The following RGS8 variants were observed in gnomAD, a reference collection of about 807,000 sequenced individuals.
RGS8 encodes the protein regulator of G protein signaling 8.
Under a neutral mutation model 21.7 loss-of-function variants are expected in RGS8, and 8 were observed. That is an observed-to-expected ratio of 0.37 (90% CI 0.22 to 0.66). The LOEUF (loss-of-function observed/expected upper bound fraction) is 0.66, where lower values mean the gene tolerates loss of function less well. Ranked by LOEUF, RGS8 falls within the 30% of genes least tolerant of loss-of-function variation. The probability of loss-of-function intolerance (pLI) is 0.59; values close to 1 mark genes in which losing one functional copy is unlikely to be tolerated. For missense variants in RGS8, 157 were observed against 217.9 expected (o/e 0.72, Z 1.76); for synonymous variants, 80 against 83.6 (o/e 0.96, Z 0.24).
rs76830150 is a variant in RGS8 at position 182,667,180 on chromosome 1, C to T, written c.27-207G>A. 4.2e-3 allele frequency among the ~76,000 whole-genome samples: 633 copies of T among 152,292 alleles called. 3 individuals are homozygous for T. The highest frequency in any genetic ancestry group is 0.015 in the African/African-American group (608 of 41,558). On this transcript the variant is annotated intron_variant, in intron 3 of 6. Transcript: ENST00000483095. ...GGTACCCTAACCGACCCCCTAGAGG[C>T]TTAATGCTTTTCAAAGCTGACACAG...
chr1:182,744,137 A>G, the RGS8 span, among the ~76,000 whole-genome samples: 3 of 152,156 alleles, frequency 2.0e-5, no homozygotes, highest in Non-Finnish European at 4.4e-5. Context: ...CAATTCACCT[A>G]TTTAAAGTAT....
At chr1:182,729,062 A>G in the RGS8 span, among the ~76,000 whole-genome samples, 4 of 152,366 alleles carry the variant, frequency 2.6e-5, no homozygotes, top group South Asian at 2.1e-4. Context: ...GTAAGGCAGG[A>G]CAACCTGCTT....
chr1:182,741,427 T>A, the RGS8 span, among the ~76,000 whole-genome samples: 127 of 117,596 alleles, frequency 1.1e-3, no homozygotes, highest in African/African-American at 4.0e-3. Flanking sequence ...CCCACCTCCC[T>A]CCCGGACAGG....
chr1:182,747,041 G>GTTTTTTTT, the RGS8 span, among the ~76,000 whole-genome samples: 3 of 26,234 alleles, frequency 1.1e-4, no homozygotes, highest in Non-Finnish European at 3.3e-4. Flanking sequence ...AACACTGCTG[G>GTTTTTTTT]TCTTTTTTTT....
chr1:182,702,795 G>A, the RGS8 span, among the ~76,000 whole-genome samples: 1 of 152,186 alleles, frequency 6.6e-6, no homozygotes, highest in South Asian at 2.1e-4. Context: ...ATCACTGAGA[G>A]ATGACTCAAT....
chr1:182,723,215 C>T, the RGS8 span, among the ~76,000 whole-genome samples: 4 of 152,252 alleles, frequency 2.6e-5, no homozygotes, highest in Admixed American at 2.6e-4. Flanking sequence ...TTTCATATCA[C>T]AATTTCTGAG....
downstream of RGS8, chr1:182,643,051 T>C (rs1322056954): frequency 6.6e-6 from 1 of 152,208 alleles, no homozygotes; most frequent in African/African-American, 2.4e-5. Flanking sequence ...GGAGACAAGC[T>C]TGGAGGAGAC....
At chr1:182,705,753 T>A in the RGS8 span, among the ~76,000 whole-genome samples, 1 of 152,194 alleles carries the variant, frequency 6.6e-6, no homozygotes, top group African/African-American at 2.4e-5. Context: ...AGTTGCCAGT[T>A]CCTTCCAATT....
chr1:182,712,177 GA>G, the RGS8 span, among the ~76,000 whole-genome samples: 5 of 152,158 alleles, frequency 3.3e-5, no homozygotes, highest in Non-Finnish European at 7.4e-5. Context: ...ATTGCCTCTT[GA>G]AAAAGGATGC....
the RGS8 span, among the ~76,000 whole-genome samples, chr1:182,701,074 T>G: frequency 2.6e-5 from 4 of 152,234 alleles, no homozygotes; most frequent in African/African-American, 9.6e-5. Context: ...ATGTGTCAAA[T>G]GTGACATTTA....
At chr1:182,717,360 T>C in the RGS8 span, among the ~76,000 whole-genome samples, 1 of 152,220 alleles carries the variant, frequency 6.6e-6, no homozygotes, top group African/African-American at 2.4e-5. Context: ...TACTTTCCTA[T>C]GGAAAAGAGT....
chr1:182,647,166 T>C (rs899931594), intron 6 of RGS8, among the ~76,000 whole-genome samples: 2 of 152,226 alleles, frequency 1.3e-5, no homozygotes, highest in East Asian at 3.8e-4. Flanking sequence ...AAAAGCTTGT[T>C]TAAAGTAGTA....
chr1:182,646,653 C>T (rs1662714774), exon 7 of RGS8: 2 of 1,360,734 alleles, frequency 1.5e-6, no homozygotes, highest in South Asian at 1.4e-5. Flanking sequence ...TTTTGAACAC[C>T]TATGACATTT....
chr1:182,729,679 C>A, the RGS8 span, among the ~76,000 whole-genome samples: 2 of 151,944 alleles, frequency 1.3e-5, no homozygotes, highest in Admixed American at 1.3e-4. Flanking sequence ...GATTTAATAC[C>A]ATTTTCAGCT....
chr1:182,649,081 CAA>C (rs1280779730), intron 5 of RGS8, among the ~76,000 whole-genome samples: 1 of 151,718 alleles, frequency 6.6e-6, no homozygotes, highest in Non-Finnish European at 1.5e-5. Context: ...GCCTGGGCGA[CAA>C]GACCAAAAAT....
At chr1:182,730,396 T>C in the RGS8 span, among the ~76,000 whole-genome samples, 1 of 151,940 alleles carries the variant, frequency 6.6e-6, no homozygotes, top group Non-Finnish European at 1.5e-5. Flanking sequence ...TCTAGCAGAG[T>C]TTGGCTGGGT....
At chr1:182,695,068 A>G in the RGS8 span, among the ~76,000 whole-genome samples, 1 of 120,648 alleles carries the variant, frequency 8.3e-6, no homozygotes, top group African/African-American at 3.2e-5. Flanking sequence ...ACTGCTACCT[A>G]TTGATAGACT....
intron 5 of RGS8, among the ~76,000 whole-genome samples, chr1:182,665,095 CCCTCTGTT>C (rs1353724234): frequency 3.3e-5 from 5 of 152,174 alleles, no homozygotes; most frequent in Non-Finnish European, 7.3e-5. Context: ...CTAAAAGCAG[CCCTCTGTT>C]CCCAGATCAG....
intron 5 of RGS8, among the ~76,000 whole-genome samples, chr1:182,665,446 T>C (rs571350055): frequency 7.9e-5 from 12 of 152,288 alleles, no homozygotes; most frequent in Admixed American, 2.0e-4. Context: ...GTAAAATGTA[T>C]ACTCAGTAAG....
Sources: gnomAD v4.1 joint callset for allele counts (sites outside exome capture counted in the v4.1 genomes callset) on GRCh38, gnomAD v4.1.1 for gene constraint, MANE v1.5 for transcripts, NCBI Gene and HGNC (gene_info 2026-07-23, HGNC 2026-07-21) for gene names.